Variants in GAREM1 observed in about 807,000 individuals in gnomAD.
GAREM1 encodes the protein GRB2 associated regulator of MAPK1 subtype 1, also known as GRB2-associated and regulator of MAPK protein 1.
A neutral mutation model predicts 71.3 loss-of-function variants in GAREM1; 26 were observed. That is an observed-to-expected ratio of 0.36 (90% confidence interval 0.27 to 0.51). GAREM1 has a LOEUF of 0.51. Ranked by LOEUF, GAREM1 falls within the 20% of genes least tolerant of loss-of-function variation. The pLI is 0.95. For missense variants in GAREM1, 1,026 were observed against 1,103.1 expected (o/e 0.93, Z 0.99); for synonymous variants, 440 against 433.2 (o/e 1.02, Z -0.20).
chr18:32,414,978 G>A (rs960440707), intron 1 of GAREM1, among the ~76,000 whole-genome samples: 4 of 151,876 alleles, frequency 2.6e-5, no homozygotes, highest in African/African-American at 9.7e-5. Flanking sequence ...AAGAAAAAAA[G>A]GGAGAAGACT....
chr18:32,402,390 T>C (rs111246040), intron 1 of GAREM1, among the ~76,000 whole-genome samples: 113 of 152,242 alleles, frequency 7.4e-4, no homozygotes, highest in African/African-American at 2.5e-3. Flanking sequence ...CTAGAATCCA[T>C]GAAACCTTCA....
At chr18:32,364,899 CACACA>C (rs1233735759) in intron 2 of GAREM1, among the ~76,000 whole-genome samples, 13 of 151,590 alleles carry the variant, frequency 8.6e-5, no homozygotes, top group Non-Finnish European at 1.2e-4. Flanking sequence ...CACACACACA[CACACA>C]AATCAAACAC....
chr18:32,292,737 C>G (rs1310202566), intron 3 of GAREM1, among the ~76,000 whole-genome samples: 1 of 152,150 alleles, frequency 6.6e-6, no homozygotes, highest in African/African-American at 2.4e-5. Flanking sequence ...CCCAGCCATG[C>G]AGAACTGTGA....
chr18:32,359,665 TA>T (rs35276864), intron 2 of GAREM1, among the ~76,000 whole-genome samples: 15,633 of 151,516 alleles, frequency 0.1, 1,429 homozygotes, highest in African/African-American at 0.24. Flanking sequence ...TTCTCTTTTA[TA>T]AAAAAAAAGA....
At chr18:32,371,934 A>G (rs1051436825) in intron 2 of GAREM1, among the ~76,000 whole-genome samples, 2 of 152,196 alleles carry the variant, frequency 1.3e-5, no homozygotes, top group Non-Finnish European at 2.9e-5. Context: ...AGTTAAAGCT[A>G]TTTCAGTAAA....
At chr18:32,410,930 G>A (rs1410884131) in intron 1 of GAREM1, among the ~76,000 whole-genome samples, 1 of 152,068 alleles carries the variant, frequency 6.6e-6, no homozygotes, top group Non-Finnish European at 1.5e-5. Context: ...AGCTTCCCAA[G>A]TAGATGGGAT....
At chr18:32,467,264 A>C (rs1183084679) in intron 1 of GAREM1, among the ~76,000 whole-genome samples, 1 of 152,072 alleles carries the variant, frequency 6.6e-6, no homozygotes, top group African/African-American at 2.4e-5. Context: ...GCCAGCACTT[A>C]ATTTGGTGTC....
intron 1 of GAREM1, among the ~76,000 whole-genome samples, chr18:32,453,579 T>TC (rs1428345333): frequency 6.6e-6 from 1 of 152,112 alleles, no homozygotes; most frequent in Non-Finnish European, 1.5e-5. Context: ...TTACCCTGCC[T>TC]CCTTTTCTGT....
chr18:32,300,115 A>C (rs2047185152), intron 3 of GAREM1, among the ~76,000 whole-genome samples: 2 of 152,198 alleles, frequency 1.3e-5, no homozygotes, highest in African/African-American at 4.8e-5. Flanking sequence ...AATTATAGTC[A>C]TTTTGGACAG....
chr18:32,358,205 G>A (rs566152668), intron 2 of GAREM1, among the ~76,000 whole-genome samples: 5 of 145,540 alleles, frequency 3.4e-5, no homozygotes, highest in East Asian at 2.1e-4. Flanking sequence ...GAGCACACCC[G>A]GCTTGTGTGC....
intron 3 of GAREM1, among the ~76,000 whole-genome samples, chr18:32,293,812 T>A (rs753162717): frequency 1.4e-4 from 22 of 152,180 alleles, no homozygotes; most frequent in Non-Finnish European, 2.4e-4. Context: ...CATACTGACA[T>A]CCTCTACCTC....
At chr18:32,331,462 T>C (rs1366168823) in intron 2 of GAREM1, 1 of 152,270 alleles carries the variant, frequency 6.6e-6, no homozygotes, top group African/African-American at 2.4e-5. Context: ...ATAGTGGACT[T>C]ACTATCTCAG....
intron 2 of GAREM1, among the ~76,000 whole-genome samples, chr18:32,334,486 G>T (rs2144562910): frequency 6.6e-6 from 1 of 152,298 alleles, no homozygotes; most frequent in Non-Finnish European, 1.5e-5. Context: ...AGCCAGGAGG[G>T]TCTTAATATT....
At chr18:32,328,117 T>C (rs1236462095) in intron 2 of GAREM1, among the ~76,000 whole-genome samples, 3 of 152,236 alleles carry the variant, frequency 2.0e-5, no homozygotes, top group Non-Finnish European at 4.4e-5. Flanking sequence ...AATGTATTAC[T>C]CTGTTCAAAG....
chr18:32,395,833 A>G (rs1432780792), intron 1 of GAREM1, among the ~76,000 whole-genome samples: 1 of 152,190 alleles, frequency 6.6e-6, no homozygotes, highest in Non-Finnish European at 1.5e-5. Context: ...CCCAGCACGG[A>G]GTCTGAGATA....
chr18:32,288,851 C>CG (rs147672348), intron 3 of GAREM1, among the ~76,000 whole-genome samples: 2,646 of 152,182 alleles, frequency 0.017, 88 homozygotes, highest in African/African-American at 0.059. Context: ...CCATTTCCCC[C>CG]GGGCATATCC....
chr18:32,470,157 C>T lies in GAREM1; in HGVS notation c.121+151G>A. 1 of 965,438 alleles carries T rather than the reference C, an allele frequency of 1.0e-6. No homozygotes were observed. 59.8% of individuals were successfully genotyped at this position (965,438 alleles called of 1,614,324 possible). A position where few individuals can be genotyped will look rare whatever the true frequency, so the allele number is the denominator to read the frequency against. Reference sequence around the variant, plus strand: ...GCTGGGGGGAGTTGAGAGCAACGCGCCAGGGCTGCGGCAGCCGCTCGGGCC... The same window carrying T: ...GCTGGGGGGAGTTGAGAGCAACGCGTCAGGGCTGCGGCAGCCGCTCGGGCC... On this transcript the variant is annotated intron_variant, in intron 1 of 5. Coordinates refer to ENST00000269209, the MANE Select transcript of GAREM1 (RefSeq NM_001242409.2). This position sits in a 1 kb window ranked among gnomAD's most constrained non-coding sequence, Gnocchi z 4.4.
chr18:32,356,197 C>T (rs2047803041), intron 2 of GAREM1, among the ~76,000 whole-genome samples: 1 of 152,132 alleles, frequency 6.6e-6, no homozygotes, highest in African/African-American at 2.4e-5. Context: ...TCTCCAAAAA[C>T]TTTTCCTTGA....
intron 1 of GAREM1, among the ~76,000 whole-genome samples, chr18:32,448,244 T>A (rs115898484): frequency 5.4e-4 from 82 of 152,304 alleles, no homozygotes; most frequent in African/African-American, 1.7e-3. Flanking sequence ...TACCTATCTA[T>A]TTGCAGCTTT....
Sources: gnomAD v4.1 joint callset for allele counts (sites outside exome capture counted in the v4.1 genomes callset) on GRCh38, gnomAD v4.1.1 for gene constraint, Gnocchi (gnomAD v3.1) non-coding constraint, MANE v1.5 for transcripts, NCBI Gene and HGNC (gene_info 2026-07-23, HGNC 2026-07-21) for gene names.